The following MBNL1 variants were observed in gnomAD, a reference collection of about 807,000 sequenced individuals.
MBNL1 encodes the protein muscleblind-like protein 1.
MBNL1 carries 8 observed loss-of-function variants against 42.2 expected under a neutral mutation model. The observed-to-expected ratio is 0.19, with a 90% CI of 0.11 to 0.34. The LOEUF (loss-of-function observed/expected upper bound fraction) is 0.34. Among genes scored for constraint, MBNL1 ranks in the 10% least tolerant of loss-of-function variants. The pLI, the probability that MBNL1 is intolerant of heterozygous loss-of-function variation, is 1.00. For synonymous variants in MBNL1, 169 were observed against 173.9 expected (o/e 0.97, Z 0.22); for missense variants, 309 against 495.3 (o/e 0.62, Z 3.57).
intron 1 of MBNL1, among the ~76,000 whole-genome samples, chr3:152,275,623 G>A (rs2044582134): frequency 6.8e-6 from 1 of 147,202 alleles, no homozygotes; most frequent in African/African-American, 2.5e-5. Flanking sequence ...CAGGGGGATT[G>A]CTTGAACTCG....
intron 1 of MBNL1, among the ~76,000 whole-genome samples, chr3:152,271,916 A>G (rs1451826358): frequency 2.0e-5 from 3 of 152,150 alleles, no homozygotes; most frequent in Non-Finnish European, 1.5e-5. Context: ...TGAAAACTTT[A>G]TATGAGGGGA....
At chr3:152,284,258 A>C (rs2050248639) in intron 1 of MBNL1, among the ~76,000 whole-genome samples, 1 of 152,148 alleles carries the variant, frequency 6.6e-6, no homozygotes, top group African/African-American at 2.4e-5. Flanking sequence ...CTAAAAAAAG[A>C]AGCACAATTA....
chr3:152,280,879 T>C (rs1289680591), intron 1 of MBNL1, among the ~76,000 whole-genome samples: 1 of 152,156 alleles, frequency 6.6e-6, no homozygotes, highest in Middle Eastern at 3.2e-3. Flanking sequence ...CTTATTATTA[T>C]TCATTTTTAT....
intron 6 of MBNL1, among the ~76,000 whole-genome samples, chr3:152,450,676 AG>A (rs537728263): frequency 1.3e-5 from 2 of 152,328 alleles, no homozygotes; most frequent in South Asian, 4.1e-4. Flanking sequence ...TTTATATCAT[AG>A]TCTGTGTAAA....
chr3:152,361,959 A>G (rs2095993654), intron 2 of MBNL1, among the ~76,000 whole-genome samples: 1 of 152,206 alleles, frequency 6.6e-6, no homozygotes, highest in Non-Finnish European at 1.5e-5. Context: ...TGTTGCTCTC[A>G]GCAAGGAGTT....
At chr3:152,255,562 T>G (rs983106460) in intron 2 of MBNL1, among the ~76,000 whole-genome samples, 5 of 152,064 alleles carry the variant, frequency 3.3e-5, no homozygotes, top group Non-Finnish European at 7.4e-5. Context: ...CAGTATACTT[T>G]GGGCACTATT....
chr3:152,393,636 T>G (rs1035740166), intron 2 of MBNL1, among the ~76,000 whole-genome samples: 25 of 152,226 alleles, frequency 1.6e-4, no homozygotes, highest in African/African-American at 5.5e-4. Flanking sequence ...CATTAATGTC[T>G]TCTATAGCTA....
At chr3:152,387,354 T>TGAAAGCTAATAAAGCAAATTCTTG (rs1343443812) in intron 2 of MBNL1, among the ~76,000 whole-genome samples, 2 of 151,982 alleles carry the variant, frequency 1.3e-5, no homozygotes, top group Non-Finnish European at 2.9e-5. Context: ...TGTTATTAAA[T>TGAAAGCTAATAAAGCAAATTCTTG]GAAAGCTAAT....
At chr3:152,348,342 A>G (rs1223666730) in intron 2 of MBNL1, among the ~76,000 whole-genome samples, 1 of 152,166 alleles carries the variant, frequency 6.6e-6, no homozygotes, top group Admixed American at 6.6e-5. Context: ...GTGGAAATCA[A>G]TGAGTGAGTG....
chr3:152,341,033 T>C lies in MBNL1; in HGVS notation c.174+40666T>C, dbSNP rs578074260. The stretch of plus-strand genomic sequence containing the variant: ...ATGCTTATTTTTTAAAATGAAAAGA[T>C]GTTTAACAAAGCATTTTATTCATAT... On this transcript the variant is annotated intron_variant, in intron 2 of 9. Coordinates refer to ENST00000324210, the MANE Select transcript of MBNL1 (RefSeq NM_021038.5). The C allele has an allele frequency of 4.2e-6, 5 of 1,177,534 alleles. No homozygotes were observed. The East Asian group carries it at 1.3e-4, about 32-fold the overall frequency. The allele number at this position is 1,177,534 out of a possible 1,614,324, so 72.9% of individuals were successfully genotyped here. A position where few individuals can be genotyped will look rare whatever the true frequency, so the allele number is the denominator to read the frequency against.
At chr3:152,315,881 C>G (rs2070799293) in intron 2 of MBNL1, among the ~76,000 whole-genome samples, 1 of 150,076 alleles carries the variant, frequency 6.7e-6, no homozygotes, top group African/African-American at 2.5e-5. Context: ...CTCTCTCTCT[C>G]TCTCTCACTC....
chr3:152,253,954 G>A (rs1357596599), intron 2 of MBNL1, among the ~76,000 whole-genome samples: 1 of 152,006 alleles, frequency 6.6e-6, no homozygotes. Flanking sequence ...TTTGTTATCT[G>A]TTCCTTTCAC....
At position 152,403,234 on chromosome 3, in the gene MBNL1, C is replaced by T. The variant is rs534309075; in HGVS notation, c.175-11707C>T. On this transcript the variant is annotated intron_variant, in intron 2 of 9. Coordinates refer to ENST00000324210, the MANE Select transcript of MBNL1 (RefSeq NM_021038.5). ...AAAAAAACTGTGTTGCCATGGCTGA[C>T]GCTCCTGTGAGGCCCAACATCTCCA... Among the ~76,000 whole-genome samples the T allele has an allele frequency of 5.3e-5, 8 of 152,072 alleles. No homozygotes were observed. The East Asian group carries it at 7.7e-4, about 15-fold the overall frequency.
intron 1 of MBNL1, among the ~76,000 whole-genome samples, chr3:152,287,301 A>G (rs1035200079): frequency 6.6e-6 from 1 of 152,198 alleles, no homozygotes; most frequent in Admixed American, 6.5e-5. Context: ...ATTAATAATC[A>G]TAACAGAGCT....
intron 2 of MBNL1, among the ~76,000 whole-genome samples, chr3:152,390,699 G>A (rs552278764): frequency 6.6e-6 from 1 of 151,818 alleles, no homozygotes; most frequent in East Asian, 1.9e-4. Context: ...GATAGTTTTT[G>A]AAAATGAAAT....
At chr3:152,295,797 A>T (rs1001404829) in intron 1 of MBNL1, among the ~76,000 whole-genome samples, 1 of 152,250 alleles carries the variant, frequency 6.6e-6, no homozygotes, top group African/African-American at 2.4e-5. Flanking sequence ...GGGAGTTAGC[A>T]TGTAACAAGT....
chr3:152,366,790 T>G (rs2096398283), intron 2 of MBNL1, among the ~76,000 whole-genome samples: 1 of 152,170 alleles, frequency 6.6e-6, no homozygotes, highest in African/African-American at 2.4e-5. Context: ...GGCATCAAAT[T>G]AATTGATTAT....
chr3:152,358,370 T>C (rs529356171), intron 2 of MBNL1, among the ~76,000 whole-genome samples: 44 of 152,214 alleles, frequency 2.9e-4, no homozygotes, highest in Non-Finnish European at 5.1e-4. Context: ...TGTTAAATCA[T>C]TGGCTTCTTG....
intron 4 of MBNL1, 94 bp from the exon 5 acceptor site, chr3:152,445,188 C>T: frequency 9.5e-7 from 1 of 1,057,262 alleles, no homozygotes; most frequent in Admixed American, 2.2e-5. Context: ...CATCTATAGC[C>T]TTCTGTCACC....
Sources: gnomAD v4.1 joint callset for allele counts (sites outside exome capture counted in the v4.1 genomes callset) on GRCh38, gnomAD v4.1.1 for gene constraint, MANE v1.5 for transcripts, NCBI Gene and HGNC (gene_info 2026-07-23, HGNC 2026-07-21) for gene names.